PDE10A: variants seen among roughly 807,000 people sequenced by gnomAD.
PDE10A encodes the protein phosphodiesterase 10A.
PDE10A carries 39 observed loss-of-function variants against 97.7 expected under a neutral mutation model. The ratio of observed to expected loss-of-function variants is 0.40; its 90% CI spans 0.31 to 0.52. PDE10A has a LOEUF of 0.52. Ranked by LOEUF, PDE10A falls within the 20% of genes least tolerant of loss-of-function variation. The pLI, the probability that PDE10A is intolerant of heterozygous loss-of-function variation, is 0.56. For missense variants in PDE10A, 731 were observed against 1,047.8 expected (o/e 0.70, Z 4.17); for synonymous variants, 371 against 376.8 (o/e 0.98, Z 0.18).
Position 165,903,885 on chromosome 6 carries a change from G to T in PDE10A, c.-615+83644C>A, listed in dbSNP as rs886860695. On this transcript the variant is annotated intron_variant, in intron 1 of 19. Transcript: ENST00000366882. ...GCAGTCACCTATGGAAAAGAAGAGG[G>T]CATCAAGAAGAGGGCAGAGAAATGG... is the stretch of plus-strand genomic sequence containing the variant. Among the ~76,000 whole-genome samples, 3 of 152,264 alleles carry T rather than the reference G, an allele frequency of 2.0e-5. No homozygotes were observed. The East Asian group carries it at 5.8e-4, about 29-fold the overall frequency.
chr6:165,587,381 T>A lies in PDE10A; in HGVS notation c.866-43813A>T, dbSNP rs115660032. ...GAATTGAAATTTAATACGTGTCTCA[T>A]GCACAGCAGCAATTTACGGAAAACA... On this transcript the variant is annotated intron_variant, in intron 1 of 21. Coordinates refer to ENST00000539869, the MANE Select transcript of PDE10A (RefSeq NM_001385079.1). Among the ~76,000 whole-genome samples the A allele has an allele frequency of 5.7e-3, 873 of 152,338 alleles. 12 individuals carry two copies. The highest frequency in any genetic ancestry group is 0.02 in the African/African-American group (831 of 41,576).
intron 1 of PDE10A, among the ~76,000 whole-genome samples, chr6:165,749,499 C>T (rs1251147916): frequency 1.3e-5 from 2 of 152,090 alleles, no homozygotes; most frequent in Non-Finnish European, 2.9e-5. Flanking sequence ...ACCATCACCA[C>T]CATCATCACC....
chr6:165,340,440 A>T (rs915608332), intron 19 of PDE10A, among the ~76,000 whole-genome samples: 2 of 152,206 alleles, frequency 1.3e-5, no homozygotes, highest in African/African-American at 2.4e-5. Context: ...ACTTGTCCTG[A>T]CAAAGCAAAG....
At chr6:165,378,792 A>G (rs1004755341) in intron 18 of PDE10A, among the ~76,000 whole-genome samples, 4 of 152,194 alleles carry the variant, frequency 2.6e-5, no homozygotes, top group African/African-American at 7.2e-5. Flanking sequence ...CACCAATCAC[A>G]TTAGCTTGCT....
chr6:165,609,613 T>C lies in PDE10A; in HGVS notation c.865+52334A>G, dbSNP rs574757600. ...TGATTGTATATCTAGAAAACCCCAC[T>C]GTCTCAGCCCAAAATCTCCTTAAGC... On this transcript the variant is annotated intron_variant, in intron 1 of 21. Transcript: ENST00000539869. 3.6e-3 allele frequency among the ~76,000 whole-genome samples: 550 copies of C among 152,282 alleles called. 2 individuals carry two copies. The highest frequency in any genetic ancestry group is 8.3e-3 in the Admixed American group (127 of 15,290).
intron 3 of PDE10A, among the ~76,000 whole-genome samples, chr6:165,474,309 A>T (rs1276638610): frequency 6.6e-6 from 1 of 152,220 alleles, no homozygotes; most frequent in Non-Finnish European, 1.5e-5. Context: ...AAACAAACAA[A>T]AAAACCAAAG....
intron 1 of PDE10A, among the ~76,000 whole-genome samples, chr6:165,787,997 A>C (rs1778540080): frequency 6.6e-6 from 1 of 152,220 alleles, no homozygotes; most frequent in East Asian, 1.9e-4. Context: ...CCTCAATGAG[A>C]GTGTGATGTA....
At chr6:165,481,948 T>A (rs936524174) in intron 3 of PDE10A, among the ~76,000 whole-genome samples, 1 of 152,206 alleles carries the variant, frequency 6.6e-6, no homozygotes, top group African/African-American at 2.4e-5. Flanking sequence ...TGAAGGCAGC[T>A]TCCGCTTCCC....
intron 2 of PDE10A, among the ~76,000 whole-genome samples, chr6:165,540,495 C>G (rs2128321199): frequency 6.6e-6 from 1 of 152,248 alleles, no homozygotes; most frequent in Non-Finnish European, 1.5e-5. Flanking sequence ...CCAATATCTT[C>G]TATCTGCCAC....
intron 1 of PDE10A, among the ~76,000 whole-genome samples, chr6:165,772,610 C>T (rs1778045363): frequency 6.6e-6 from 1 of 152,142 alleles, no homozygotes; most frequent in Non-Finnish European, 1.5e-5. Flanking sequence ...ACCTCCGGGG[C>T]CCTTCCGAAC....
At chr6:165,670,244 T>C (rs1400760172) in intron 1 of PDE10A, among the ~76,000 whole-genome samples, 1 of 152,248 alleles carries the variant, frequency 6.6e-6, no homozygotes, top group Non-Finnish European at 1.5e-5. Flanking sequence ...TGTGAGCATC[T>C]TGATGCAAGG....
chr6:165,824,067 G>A (rs1779656339), intron 1 of PDE10A, among the ~76,000 whole-genome samples: 1 of 152,168 alleles, frequency 6.6e-6, no homozygotes, highest in South Asian at 2.1e-4. Flanking sequence ...AATGCTGTCT[G>A]ACCCTTACAA....
At chr6:165,960,919 C>T (rs968550650) in intron 1 of PDE10A, among the ~76,000 whole-genome samples, 14 of 152,256 alleles carry the variant, frequency 9.2e-5, no homozygotes, top group East Asian at 1.9e-4. Flanking sequence ...CCAGAGCTAA[C>T]GCTGCAGGCT....
chr6:165,529,090 C>T (rs1163500656), intron 2 of PDE10A, among the ~76,000 whole-genome samples: 2 of 152,152 alleles, frequency 1.3e-5, no homozygotes, highest in Non-Finnish European at 2.9e-5. Flanking sequence ...GGAAGAAACA[C>T]TGCCACCAGG....
intron 18 of PDE10A, among the ~76,000 whole-genome samples, chr6:165,371,441 T>C (rs550110502): frequency 5.2e-4 from 79 of 152,152 alleles, no homozygotes; most frequent in Admixed American, 7.2e-4. Flanking sequence ...GAGAGAATAC[T>C]ACAAACACCT....
At chr6:165,443,020 G>A (rs920513591) in intron 5 of PDE10A, among the ~76,000 whole-genome samples, 3 of 149,016 alleles carry the variant, frequency 2.0e-5, no homozygotes, top group African/African-American at 5.0e-5. Context: ...GTTGAGACAG[G>A]AGAACTGCTT....
chr6:165,622,775 T>C (rs73786682), intron 1 of PDE10A, among the ~76,000 whole-genome samples: 29,506 of 152,052 alleles, frequency 0.19, 4,315 homozygotes, highest in African/African-American at 0.42. Context: ...TGCCAAGGGA[T>C]ACTGTCTTGT....
intron 1 of PDE10A, among the ~76,000 whole-genome samples, chr6:165,924,667 A>T (rs1782874415): frequency 6.6e-6 from 1 of 152,220 alleles, no homozygotes; most frequent in African/African-American, 2.4e-5. Context: ...ATCCTGTAGT[A>T]AAGAGGCAAA....
intron 1 of PDE10A, among the ~76,000 whole-genome samples, chr6:165,888,013 C>A (rs1781675882): frequency 2.0e-5 from 3 of 152,328 alleles, no homozygotes; most frequent in Non-Finnish European, 2.9e-5. Flanking sequence ...GTCATGCTGG[C>A]CTCCTTGTTT....
Sources: allele counts gnomAD v4.1 joint callset (sites outside exome capture counted in the v4.1 genomes callset), GRCh38; gene constraint gnomAD v4.1.1; transcripts MANE v1.5; gene names NCBI Gene and HGNC (gene_info 2026-07-23, HGNC 2026-07-21).